The following FSTL4 variants were observed in gnomAD, a reference collection of about 807,000 sequenced individuals.
The protein encoded by FSTL4 is follistatin like 4.
In FSTL4, 28 loss-of-function variants were observed where a neutral mutation model predicts 78.2. The ratio of observed to expected loss-of-function variants is 0.36; its 90% CI spans 0.27 to 0.49. FSTL4 has a LOEUF of 0.49. Ranked by LOEUF, FSTL4 falls within the 20% of genes least tolerant of loss-of-function variation. The probability of loss-of-function intolerance (pLI) is 0.98; values close to 1 mark genes in which losing one functional copy is unlikely to be tolerated. For synonymous variants in FSTL4, 422 were observed against 440.5 expected, an observed-to-expected ratio of 0.96 and a Z score of 0.53; for missense variants, 922 against 1,084.9, an observed-to-expected ratio of 0.85 and a Z score of 2.11.
chr5:133,337,723 C>T (rs76408289), intron 4 of FSTL4, among the ~76,000 whole-genome samples: 3,324 of 152,284 alleles, frequency 0.022, 56 homozygotes, highest in Non-Finnish European at 0.032. Context: ...CTGGATGTTA[C>T]AGAGTCGATG....
the FSTL4 span, among the ~76,000 whole-genome samples, chr5:133,834,979 A>G: frequency 6.6e-6 from 1 of 152,130 alleles, no homozygotes; most frequent in Admixed American, 6.5e-5. Context: ...CTGAACATAT[A>G]TGTGTAAAAA....
chr5:133,717,904 A>T, the FSTL4 span, among the ~76,000 whole-genome samples: 1 of 152,202 alleles, frequency 6.6e-6, no homozygotes. Context: ...TTTAGGGTAA[A>T]CATGTGTTCA....
the FSTL4 span, among the ~76,000 whole-genome samples, chr5:133,782,101 C>T: frequency 6.6e-6 from 1 of 152,184 alleles, no homozygotes; most frequent in Non-Finnish European, 1.5e-5. Context: ...TCAACAACAG[C>T]TATGAAAAAC....
At chr5:133,438,695 T>G in intron 3 of FSTL4, among the ~76,000 whole-genome samples, 1 of 152,224 alleles carries the variant, frequency 6.6e-6, no homozygotes, top group South Asian at 2.1e-4. Flanking sequence ...ATCATCCGGA[T>G]TGCCCTGACA....
At chr5:133,444,441 T>C (rs1306667369) in intron 3 of FSTL4, among the ~76,000 whole-genome samples, 11 of 152,198 alleles carry the variant, frequency 7.2e-5, no homozygotes, top group African/African-American at 2.7e-4. Flanking sequence ...TGGCCCTCTG[T>C]TCTCTCTCTT....
At chr5:133,659,493 T>C in the FSTL4 span, among the ~76,000 whole-genome samples, 1 of 152,010 alleles carries the variant, frequency 6.6e-6, no homozygotes, top group African/African-American at 2.4e-5. Flanking sequence ...TTTATCTTGA[T>C]TGCTTGGTTT....
intron 6 of FSTL4, among the ~76,000 whole-genome samples, chr5:133,291,918 C>A (rs1013372035): frequency 3.3e-5 from 5 of 152,202 alleles, no homozygotes; most frequent in African/African-American, 7.2e-5. Context: ...ATGTTTTAAT[C>A]AGCAAGCCCT....
the FSTL4 span, among the ~76,000 whole-genome samples, chr5:133,687,935 T>A: frequency 6.6e-6 from 1 of 152,238 alleles, no homozygotes; most frequent in African/African-American, 2.4e-5. Context: ...CCCAGATGGC[T>A]CACCCCCACT....
At chr5:133,739,340 T>C in the FSTL4 span, among the ~76,000 whole-genome samples, 1 of 151,688 alleles carries the variant, frequency 6.6e-6, no homozygotes, top group Non-Finnish European at 1.5e-5. Context: ...GGCCTTGTGC[T>C]GTCATCAAAG....
At chr5:133,369,042 T>C (rs1755234729) in intron 4 of FSTL4, among the ~76,000 whole-genome samples, 1 of 152,102 alleles carries the variant, frequency 6.6e-6, no homozygotes, top group South Asian at 2.1e-4. Context: ...TAGGTACCCA[T>C]CCCAATAGAC....
chr5:133,269,898 G>T (rs565870577), intron 6 of FSTL4, among the ~76,000 whole-genome samples: 1 of 152,322 alleles, frequency 6.6e-6, no homozygotes, highest in South Asian at 2.1e-4. Context: ...GACGGCATCT[G>T]TTGCTGCCTA....
At chr5:133,572,588 GC>G (rs1368324875) in intron 2 of FSTL4, among the ~76,000 whole-genome samples, 1 of 152,000 alleles carries the variant, frequency 6.6e-6, no homozygotes, top group Non-Finnish European at 1.5e-5. Flanking sequence ...TGAATGTATA[GC>G]TATGCAAGAA....
the FSTL4 span, among the ~76,000 whole-genome samples, chr5:133,628,765 GAATA>G: frequency 6.6e-6 from 1 of 152,094 alleles, no homozygotes. Context: ...TTAAAAAAAT[GAATA>G]AAGAAATGAA....
the FSTL4 span, among the ~76,000 whole-genome samples, chr5:133,629,631 C>T: frequency 1.3e-5 from 2 of 152,182 alleles, no homozygotes; most frequent in Admixed American, 6.5e-5. Flanking sequence ...AGGGACTCTT[C>T]CCTAACTCAT....
the FSTL4 span, among the ~76,000 whole-genome samples, chr5:133,684,229 A>AG: frequency 6.6e-6 from 1 of 151,584 alleles, no homozygotes; most frequent in Non-Finnish European, 1.5e-5. Context: ...AAAAGATAGC[A>AG]GGCGGGGATG....
chr5:133,627,412 C>T, the FSTL4 span, among the ~76,000 whole-genome samples: 2 of 152,102 alleles, frequency 1.3e-5, no homozygotes, highest in South Asian at 2.1e-4. Context: ...CTTACTCATA[C>T]CATAAGAACA....
At chr5:133,443,143 G>A (rs985981995) in intron 3 of FSTL4, among the ~76,000 whole-genome samples, 1 of 152,194 alleles carries the variant, frequency 6.6e-6, no homozygotes, top group Admixed American at 6.5e-5. Context: ...TGTTCATAAG[G>A]TAAGTGTCAC....
intron 11 of FSTL4, among the ~76,000 whole-genome samples, chr5:133,221,149 G>A (rs1216327918): frequency 1.3e-5 from 2 of 152,188 alleles, no homozygotes; most frequent in African/African-American, 4.8e-5. Context: ...AAAAGCCTTG[G>A]CTTTGATGTA....
chr5:133,497,271 TC>T (rs1161222941), intron 3 of FSTL4, among the ~76,000 whole-genome samples: 2 of 152,204 alleles, frequency 1.3e-5, no homozygotes, highest in African/African-American at 4.8e-5. Context: ...CCTGGTTCTG[TC>T]ACTCAGGTGG....
Sources: gnomAD v4.1 joint callset for allele counts (sites outside exome capture counted in the v4.1 genomes callset) on GRCh38, gnomAD v4.1.1 for gene constraint, MANE v1.5 for transcripts, NCBI Gene and HGNC (gene_info 2026-07-23, HGNC 2026-07-21) for gene names.